KCNAB1: variants seen among roughly 807,000 people sequenced by gnomAD.
KCNAB1 encodes the protein potassium voltage-gated channel subfamily A regulatory beta subunit 1.
Under a neutral mutation model 64.6 loss-of-function variants are expected in KCNAB1, and 35 were observed. That is an observed-to-expected ratio of 0.54 (90% confidence interval 0.41 to 0.72). The LOEUF is 0.72. KCNAB1 is among the 30% of genes least tolerant of loss of function. KCNAB1 has a pLI of 0.00. For missense variants in KCNAB1, 401 were observed against 512.9 expected (o/e 0.78, Z 2.11); for synonymous variants, 177 against 183.8 (o/e 0.96, Z 0.30).
intron 2 of KCNAB1, among the ~76,000 whole-genome samples, chr3:156,431,690 A>G (rs1366317547): frequency 6.6e-6 from 1 of 152,240 alleles, no homozygotes; most frequent in African/African-American, 2.4e-5. Flanking sequence ...GCCAACAGAA[A>G]ACCCAGCTCA....
At chr3:156,367,862 C>A (rs6441065) in intron 1 of KCNAB1, among the ~76,000 whole-genome samples, 45,589 of 152,050 alleles carry the variant, frequency 0.3, 9,244 homozygotes, top group African/African-American at 0.58. Flanking sequence ...TTAAAAAATA[C>A]ACAAGACAAA....
intron 1 of KCNAB1, among the ~76,000 whole-genome samples, chr3:156,210,000 AATC>A (rs923434187): frequency 6.6e-6 from 1 of 152,216 alleles, no homozygotes; most frequent in Non-Finnish European, 1.5e-5. Flanking sequence ...AAAACTACTA[AATC>A]ATCAATACAT....
chr3:156,378,746 G>A (rs1231730205), intron 1 of KCNAB1, among the ~76,000 whole-genome samples: 3 of 152,058 alleles, frequency 2.0e-5, no homozygotes, highest in African/African-American at 4.8e-5. Flanking sequence ...ATAGTGCCTG[G>A]GTTGATACTC....
At chr3:156,150,994 T>G (rs1715371051) in intron 1 of KCNAB1, among the ~76,000 whole-genome samples, 2 of 152,192 alleles carry the variant, frequency 1.3e-5, no homozygotes, top group African/African-American at 4.8e-5. Flanking sequence ...TGGGCATGGC[T>G]GGTGAAGAAA....
chr3:156,512,069 T>A (rs1717251312), intron 8 of KCNAB1, among the ~76,000 whole-genome samples: 1 of 152,338 alleles, frequency 6.6e-6, no homozygotes, highest in Middle Eastern at 3.4e-3. Context: ...GCACTAAATA[T>A]GTCTTCTCTT....
chr3:156,400,739 G>A (rs1279045528), intron 1 of KCNAB1, among the ~76,000 whole-genome samples: 2 of 152,026 alleles, frequency 1.3e-5, no homozygotes, highest in East Asian at 1.9e-4. Flanking sequence ...TACTTCTGAC[G>A]TTGTCCCCAC....
intron 8 of KCNAB1, among the ~76,000 whole-genome samples, chr3:156,510,652 C>A (rs1208438991): frequency 6.6e-6 from 1 of 152,242 alleles, no homozygotes; most frequent in Non-Finnish European, 1.5e-5. Context: ...ATGGCTCCAA[C>A]CTTGCTTGAT....
chr3:156,366,199 A>C lies in KCNAB1; in HGVS notation c.276-55417A>C, dbSNP rs536181357. The stretch of plus-strand genomic sequence containing the variant: ...CTGATGGTTTGCAGTTTCTTTTTTG[A>C]AACTGTATGTTCACTCCTTCTCTCC... On this transcript the variant is annotated intron_variant, in intron 1 of 13. Transcript: ENST00000490337. Among the ~76,000 whole-genome samples the C allele has an allele frequency of 1.1e-4, 16 of 152,322 alleles. 1 individual carries two copies. In the South Asian group the frequency reaches 3.3e-3, roughly 32 times the overall value.
At chr3:156,215,958 T>C (rs927993538) in intron 1 of KCNAB1, among the ~76,000 whole-genome samples, 18 of 152,218 alleles carry the variant, frequency 1.2e-4, no homozygotes, top group Admixed American at 8.5e-4. Flanking sequence ...ATTGCTGACA[T>C]AGGACCATTT....
intron 8 of KCNAB1, among the ~76,000 whole-genome samples, 176 bp from the exon 9 acceptor site, chr3:156,514,188 C>T (rs1172119875): frequency 6.6e-6 from 1 of 152,176 alleles, no homozygotes; most frequent in Non-Finnish European, 1.5e-5. Context: ...TACCATCAGC[C>T]TTCAAACCAT....
At chr3:156,275,000 C>T (rs1301830415) in intron 1 of KCNAB1, among the ~76,000 whole-genome samples, 1 of 152,168 alleles carries the variant, frequency 6.6e-6, no homozygotes, top group South Asian at 2.1e-4. Flanking sequence ...CCTTTGTACC[C>T]TTTAACTAAC....
At chr3:156,241,353 T>C (rs1193673050) in intron 1 of KCNAB1, among the ~76,000 whole-genome samples, 1 of 152,206 alleles carries the variant, frequency 6.6e-6, no homozygotes, top group East Asian at 1.9e-4. Context: ...TCAGGTAATT[T>C]GCCAGCTCTA....
intron 2 of KCNAB1, among the ~76,000 whole-genome samples, chr3:156,422,589 T>C (rs1018813239): frequency 6.6e-6 from 1 of 152,212 alleles, no homozygotes; most frequent in African/African-American, 2.4e-5. Context: ...GATTAGGAGA[T>C]TGATTTGGGA....
In KCNAB1 at chr3:156,509,174, T is replaced by C. The variant is rs1717019952; in HGVS notation, c.659-5190T>C. Among the ~76,000 whole-genome samples, 3 of 152,304 alleles carry C rather than the reference T, an allele frequency of 2.0e-5. No individual in the cohort carries two copies. The South Asian group carries it at 6.2e-4, about 32-fold the overall frequency. On this transcript the variant is annotated intron_variant, in intron 8 of 13. Transcript: ENST00000490337. ...AGGCAAATAACTAAAGATTATAGCA[T>C]GAAGCACTTGGGTTAGATAAAAAAG...
chr3:156,282,140 C>T (rs1381482165), intron 1 of KCNAB1, among the ~76,000 whole-genome samples: 11 of 145,190 alleles, frequency 7.6e-5, no homozygotes, highest in Admixed American at 1.4e-4. Context: ...GCTTTGAATG[C>T]GTCCCAGAGA....
intron 1 of KCNAB1, among the ~76,000 whole-genome samples, chr3:156,127,185 A>G (rs971847745): frequency 6.6e-6 from 1 of 152,240 alleles, no homozygotes; most frequent in African/African-American, 2.4e-5. Flanking sequence ...GTAAGATGGT[A>G]TCAGGGATGG....
chr3:156,455,472 G>C (rs1712334669), intron 3 of KCNAB1, among the ~76,000 whole-genome samples: 1 of 152,192 alleles, frequency 6.6e-6, no homozygotes, highest in African/African-American at 2.4e-5. Context: ...AAAAAATAAA[G>C]ATAGATGTTA....
intron 1 of KCNAB1, among the ~76,000 whole-genome samples, chr3:156,222,285 C>T (rs1715826671): frequency 6.6e-6 from 1 of 152,138 alleles, no homozygotes; most frequent in African/African-American, 2.4e-5. Flanking sequence ...AGCTATTCTT[C>T]TACCAGACAA....
At chr3:156,413,131 G>A (rs1714796883) in intron 1 of KCNAB1, among the ~76,000 whole-genome samples, 1 of 152,158 alleles carries the variant, frequency 6.6e-6, no homozygotes, top group Non-Finnish European at 1.5e-5. Context: ...CCTTCCATTG[G>A]AACAGTGACT....
Sources: gnomAD v4.1 joint callset for allele counts (sites outside exome capture counted in the v4.1 genomes callset) on GRCh38, gnomAD v4.1.1 for gene constraint, MANE v1.5 for transcripts, NCBI Gene and HGNC (gene_info 2026-07-23, HGNC 2026-07-21) for gene names.